IMPA2: variants seen among roughly 807,000 people sequenced by gnomAD.
IMPA2 encodes the protein IMP 2.
Under a neutral mutation model 35.1 loss-of-function variants are expected in IMPA2, and 32 were observed. The observed-to-expected ratio is 0.91, with a 90% CI of 0.69 to 1.23. The LOEUF (loss-of-function observed/expected upper bound fraction) is 1.23. Ranked by LOEUF, IMPA2 falls within the 50% of genes most tolerant of loss-of-function variation. The pLI is 0.00. For synonymous variants in IMPA2, 135 were observed against 160.6 expected (o/e 0.84, Z 1.20); for missense variants, 334 against 387.6 (o/e 0.86, Z 1.16).
chr18:12,028,447 G>A (rs959559056), intron 6 of IMPA2: 2 of 453,304 alleles, frequency 4.4e-6, no homozygotes, highest in East Asian at 3.5e-5. Flanking sequence ...TCCCGAGGGG[G>A]CCTGGCGTCA....
chr18:11,997,947 C>G (rs953349449), intron 1 of IMPA2, among the ~76,000 whole-genome samples: 4 of 152,248 alleles, frequency 2.6e-5, no homozygotes, highest in Admixed American at 2.6e-4. Flanking sequence ...GTGGGAGGAT[C>G]GCTTGAGCCC....
intron 4 of IMPA2, among the ~76,000 whole-genome samples, chr18:12,013,751 C>G (rs1043625756): frequency 1.3e-5 from 2 of 152,168 alleles, no homozygotes; most frequent in South Asian, 4.1e-4. Context: ...CACTGTTCAG[C>G]GCACTGCCTG....
chr18:12,007,731 T>C (rs963488416), intron 2 of IMPA2, among the ~76,000 whole-genome samples: 1 of 149,248 alleles, frequency 6.7e-6, no homozygotes, highest in Admixed American at 6.8e-5. Context: ...TATTTCTCTC[T>C]CTCTCCTTCC....
Position 12,003,662 on chromosome 18 carries a change from AAAGAAAAGG to A in IMPA2, c.230+4478_230+4486del, listed in dbSNP as rs1159730933. 5.2e-3 allele frequency among the ~76,000 whole-genome samples: 203 copies of A among 39,216 alleles called. 1 individual carries two copies. Among genetic ancestry groups the A allele is most frequent in the African/African-American group, 0.041 (191 of 4,608 alleles). The allele number at this position is 39,216 out of a possible 152,430, so 25.7% of individuals were successfully genotyped here. A position where few individuals can be genotyped will look rare whatever the true frequency, so the allele number is the denominator to read the frequency against. ...TGAGACTCCATCTTAAAAAAAAAAAAAAGAAAAGGAAAAAAAAAAAAAAAGGCAGCATGG... is the reference window on the plus strand; with the variant it reads ...TGAGACTCCATCTTAAAAAAAAAAAAAAAAAAAAAAAAAAAGGCAGCATGG... On this transcript the variant is annotated intron_variant, in intron 2 of 7. Coordinates refer to ENST00000269159, the MANE Select transcript of IMPA2 (RefSeq NM_014214.3).
rs554117218 is a variant in IMPA2, at chr18:12,010,780, G to A, written c.335+793G>A. Among the ~76,000 whole-genome samples, 102 of 152,342 alleles carry A rather than the reference G, an allele frequency of 6.7e-4. 1 individual carries two copies. Among genetic ancestry groups the A allele is most frequent in the South Asian group, 8.3e-4 (4 of 4,830 alleles). On this transcript the variant is annotated intron_variant, in intron 3 of 7. Coordinates refer to ENST00000269159, the MANE Select transcript of IMPA2 (RefSeq NM_014214.3). This position sits in a 1 kb window ranked among gnomAD's most constrained non-coding sequence, Gnocchi z 4.8. ...AGCAGGAAGGGTGAGCAGAGCCCGGGTGTGGGCTCCTTTATGATCTGCCTC... is the reference window on the plus strand; with the variant it reads ...AGCAGGAAGGGTGAGCAGAGCCCGGATGTGGGCTCCTTTATGATCTGCCTC...
At position 12,030,278 on chromosome 18, in the gene IMPA2, G is replaced by C; in HGVS notation, c.752-65G>C. 3 of 1,231,636 alleles carry C rather than the reference G, an allele frequency of 2.4e-6. No homozygotes were observed. The South Asian group carries it at 3.7e-5, about 15-fold the overall frequency. 76.3% of individuals were successfully genotyped at this position (1,231,636 alleles called of 1,614,324 possible). On this transcript the variant is annotated intron_variant, in intron 7 of 7. Transcript: ENST00000269159. ...GTGCTGTGTGCATGTGGGATAAGTTGTTACACAACATTGTTCAGCCCTCTC... is the reference window on the plus strand; with the variant it reads ...GTGCTGTGTGCATGTGGGATAAGTTCTTACACAACATTGTTCAGCCCTCTC...
rs1226269606 is a variant in IMPA2, at chr18:12,028,105, C to G, written c.553C>G (p.Leu185Val). ...CAAACGTGACCCTGCGACCCTGAAG[C>G]TGTTCCTGAGTAACATGGAGCGGCT... is the stretch of plus-strand genomic sequence containing the variant. ...GPKRDPATLK[L>V]FLSNMERLLH... is the part of the protein sequence containing the mutation. The change falls in exon 6 of 8, where the codon CTG becomes GTG. Residue 185 changes from leucine (L) to valine (V), a missense_variant. Transcript: ENST00000269159. 2 of 1,614,134 alleles carry G rather than the reference C, an allele frequency of 1.2e-6. No individual in the cohort carries two copies. The highest frequency in any genetic ancestry group is 1.7e-6 in the Non-Finnish European group (2 of 1,179,982).
chr18:12,006,072 C>T (rs576062883), intron 2 of IMPA2, among the ~76,000 whole-genome samples: 1 of 152,124 alleles, frequency 6.6e-6, no homozygotes, highest in Non-Finnish European at 1.5e-5. Context: ...CATTGCAAGC[C>T]ATTACAGAAG....
At chr18:11,990,201 G>A (rs649713) in intron 1 of IMPA2, among the ~76,000 whole-genome samples, 57,613 of 152,068 alleles carry the variant, frequency 0.38, 12,288 homozygotes, top group East Asian at 0.61. Context: ...CCTTCTGCAG[G>A]CTGGCGCCCT....
rs200546084 is a variant in IMPA2, at chr18:12,020,494, C to CT, written c.490+6128dup. Among the ~76,000 whole-genome samples the CT allele has an allele frequency of 4.6e-3, 703 of 152,182 alleles. 19 individuals are homozygous for CT. The highest frequency in any genetic ancestry group is 0.039 in the Admixed American group (603 of 15,272). Reference sequence around the variant, plus strand: ...AGGCATGAGCCACTGTGACTGGCCTCTTTTTTTAAATTGTAGAAGAGTTTT... The same window carrying CT: ...AGGCATGAGCCACTGTGACTGGCCTCTTTTTTTTAAATTGTAGAAGAGTTTT... On this transcript the variant is annotated intron_variant, in intron 5 of 7. Coordinates refer to ENST00000269159, the MANE Select transcript of IMPA2 (RefSeq NM_014214.3).
chr18:11,999,979 C>T (rs1026527958), intron 2 of IMPA2, among the ~76,000 whole-genome samples: 1 of 152,000 alleles, frequency 6.6e-6, no homozygotes, highest in Non-Finnish European at 1.5e-5. Flanking sequence ...GATCTTTTTT[C>T]TTCGTTACAT....
chr18:12,003,663 AAGAAAAG>A (rs1255078095), intron 2 of IMPA2, among the ~76,000 whole-genome samples: 9 of 41,908 alleles, frequency 2.1e-4, no homozygotes, highest in East Asian at 1.7e-3. Flanking sequence ...AAAAAAAAAA[AAGAAAAG>A]GAAAAAAAAA....
intron 7 of IMPA2, 126 bp from the exon 8 acceptor site, chr18:12,030,217 G>A (rs2084311320): frequency 1.4e-6 from 1 of 699,110 alleles, no homozygotes; most frequent in Non-Finnish European, 2.5e-6. Context: ...TAATACGAGT[G>A]TTGGGGCTTG....
intron 1 of IMPA2, among the ~76,000 whole-genome samples, chr18:11,985,322 G>T (rs983425517): frequency 2.0e-5 from 3 of 152,110 alleles, no homozygotes; most frequent in Admixed American, 2.0e-4. Context: ...TCATACTTCC[G>T]TAATACTTTT....
At chr18:12,007,655 C>CTT (rs879381745) in intron 2 of IMPA2, among the ~76,000 whole-genome samples, 1 of 137,014 alleles carries the variant, frequency 7.3e-6, no homozygotes, top group African/African-American at 2.8e-5. Context: ...TTCTTTCTTT[C>CTT]TTTCTTTCTT....
At chr18:11,981,788 G>A in intron 1 of IMPA2, 23 bp downstream of exon 1, 1 of 1,218,984 alleles carries the variant, frequency 8.2e-7, no homozygotes, top group Non-Finnish European at 1.0e-6. Flanking sequence ...GCTGGGCTCG[G>A]AAGTCCGGGC....
At chr18:12,006,446 T>C (rs1907250029) in intron 2 of IMPA2, among the ~76,000 whole-genome samples, 1 of 152,138 alleles carries the variant, frequency 6.6e-6, no homozygotes, top group African/African-American at 2.4e-5. Context: ...GAAGCCTGGG[T>C]TCACTGCATC....
intron 5 of IMPA2, among the ~76,000 whole-genome samples, chr18:12,023,635 G>T (rs940354466): frequency 3.9e-5 from 6 of 152,166 alleles, no homozygotes; most frequent in Non-Finnish European, 7.3e-5. Flanking sequence ...AGGCCTTTAA[G>T]AGTAGGTGCT....
At chr18:12,001,768 C>T (rs552253272) in intron 2 of IMPA2, among the ~76,000 whole-genome samples, 5 of 152,244 alleles carry the variant, frequency 3.3e-5, no homozygotes, top group Admixed American at 2.6e-4. Flanking sequence ...TACCTGGGAG[C>T]GTGCCCGGGC....
Sources: gnomAD v4.1 joint callset for allele counts (sites outside exome capture counted in the v4.1 genomes callset) on GRCh38, gnomAD v4.1.1 for gene constraint, Gnocchi (gnomAD v3.1) non-coding constraint, MANE v1.5 for transcripts, NCBI Gene and HGNC (gene_info 2026-07-23, HGNC 2026-07-21) for gene names.